The following WHR1 variants were observed in gnomAD, a reference collection of about 807,000 sequenced individuals.
WHR1 encodes MHC class III HLA-RP1.
the WHR1 span, chr6:31,971,883 G>T: frequency 1.4e-6 from 2 of 1,471,074 alleles, no homozygotes; most frequent in Non-Finnish European, 1.8e-6. The surrounding 1 kb of genome is among the most constrained non-coding windows in gnomAD (Gnocchi z 4.5). Context: ...TCCAAATGCA[G>T]TGAGGTTAGG....
the WHR1 span, chr6:31,972,115 C>G: frequency 6.2e-7 from 1 of 1,613,046 alleles, no homozygotes; most frequent in South Asian, 1.1e-5. This position sits in a 1 kb window ranked among gnomAD's most constrained non-coding sequence, Gnocchi z 6.3. Context: ...AACGTGGCCA[C>G]CGGCGCCCCT....
At chr6:31,980,387 A>T in the WHR1 span, 1 of 1,409,274 alleles carries the variant, frequency 7.1e-7, no homozygotes, top group Non-Finnish European at 9.7e-7. Context: ...ACATTAATGG[A>T]TGAGGAGGAG....
chr6:31,971,483 G>A, the WHR1 span: 2 of 1,614,046 alleles, frequency 1.2e-6, no homozygotes, highest in Non-Finnish European at 8.5e-7. This position sits in a 1 kb window ranked among gnomAD's most constrained non-coding sequence, Gnocchi z 4.5. Context: ...CGCAGGGCTC[G>A]GGCATCTCCA....
chr6:31,978,538 T>C, the WHR1 span, among the ~76,000 whole-genome samples: 4 of 152,226 alleles, frequency 2.6e-5, no homozygotes, highest in East Asian at 5.8e-4. Flanking sequence ...CCTGGTTTAT[T>C]TTTATTTGTT....
the WHR1 span, among the ~76,000 whole-genome samples, chr6:31,978,701 G>C: frequency 6.6e-6 from 1 of 152,166 alleles, no homozygotes; most frequent in Non-Finnish European, 1.5e-5. Flanking sequence ...CATATATAAG[G>C]CAGGTGGATG....
chr6:31,979,433 G>T, the WHR1 span: 2 of 1,612,750 alleles, frequency 1.2e-6, no homozygotes, highest in African/African-American at 1.3e-5. Flanking sequence ...GCCTGTGATG[G>T]CCGACCGTAT....
chr6:31,980,204 A>T, the WHR1 span: 1 of 502,842 alleles, frequency 2.0e-6, no homozygotes, highest in East Asian at 3.0e-5. Flanking sequence ...TAACTGAACC[A>T]GTAATAGTAG....
At chr6:31,971,798 C>T in the WHR1 span, 2 of 1,329,350 alleles carry the variant, frequency 1.5e-6, no homozygotes, top group Non-Finnish European at 2.0e-6. This position sits in a 1 kb window ranked among gnomAD's most constrained non-coding sequence, Gnocchi z 4.5. Flanking sequence ...AACATTCAGG[C>T]CCCTCAGACG....
chr6:31,979,390 C>T, the WHR1 span: 1 of 1,612,422 alleles, frequency 6.2e-7, no homozygotes, highest in African/African-American at 1.3e-5. Context: ...GGGGATGGAC[C>T]ATGTCTCTCA....
At chr6:31,973,666 C>G in the WHR1 span, among the ~76,000 whole-genome samples, 1 of 151,996 alleles carries the variant, frequency 6.6e-6, no homozygotes, top group African/African-American at 2.4e-5. Context: ...GTTAAGGACT[C>G]CAGGTTTAGA....
At chr6:31,975,767 C>T in the WHR1 span, among the ~76,000 whole-genome samples, 1 of 152,108 alleles carries the variant, frequency 6.6e-6, no homozygotes, top group Middle Eastern at 3.2e-3. Context: ...CCATTGTCAT[C>T]GTGGCCCGTT....
At chr6:31,977,718 G>A in the WHR1 span, among the ~76,000 whole-genome samples, 1 of 151,496 alleles carries the variant, frequency 6.6e-6, no homozygotes, top group Non-Finnish European at 1.5e-5. Flanking sequence ...TTGAACTTCT[G>A]ACCTCAAGTG....
the WHR1 span, chr6:31,971,977 G>T: frequency 6.3e-7 from 1 of 1,587,752 alleles, no homozygotes; most frequent in East Asian, 2.3e-5. This position sits in a 1 kb window ranked among gnomAD's most constrained non-coding sequence, Gnocchi z 4.5. Flanking sequence ...CGTCATGGCA[G>T]GCACGCCAGA....
At chr6:31,979,153 G>C in the WHR1 span, 1 of 673,540 alleles carries the variant, frequency 1.5e-6, no homozygotes. Flanking sequence ...TAATATGAGG[G>C]AGAGAGACAG....
At chr6:31,971,907 C>T in the WHR1 span, 1 of 1,522,046 alleles carries the variant, frequency 6.6e-7, no homozygotes, top group Non-Finnish European at 8.8e-7. This position sits in a 1 kb window ranked among gnomAD's most constrained non-coding sequence, Gnocchi z 4.5. Flanking sequence ...GACGTCTGCG[C>T]TCAGATCAAG....
the WHR1 span, chr6:31,979,133 T>C: frequency 2.5e-6 from 2 of 809,690 alleles, no homozygotes; most frequent in African/African-American, 1.8e-5. Flanking sequence ...CACAGGGCCC[T>C]GGTAAATAGT....
At chr6:31,979,777 C>A in the WHR1 span, 1 of 532,760 alleles carries the variant, frequency 1.9e-6, no homozygotes, top group Non-Finnish European at 3.3e-6. Flanking sequence ...GAATTCAGTT[C>A]TTGGTGGCTT....
At chr6:31,978,822 T>C in the WHR1 span, 6 of 1,337,846 alleles carry the variant, frequency 4.5e-6, no homozygotes, top group Non-Finnish European at 5.2e-6. Flanking sequence ...AAACAAAATC[T>C]CCCTGCCTGA....
the WHR1 span, chr6:31,972,071 G>A: frequency 5.6e-6 from 9 of 1,612,904 alleles, no homozygotes; most frequent in Non-Finnish European, 6.8e-6. This position sits in a 1 kb window ranked among gnomAD's most constrained non-coding sequence, Gnocchi z 6.3. Flanking sequence ...CCCGGGGCGG[G>A]GGAGGTGTGA....
Sources: allele counts gnomAD v4.1 joint callset (sites outside exome capture counted in the v4.1 genomes callset), GRCh38; gene constraint gnomAD v4.1.1; non-coding constraint Gnocchi (gnomAD v3.1); transcripts MANE v1.5; gene names NCBI Gene and HGNC (gene_info 2026-07-23, HGNC 2026-07-21).